The following DOCK8 variants were observed in gnomAD, a reference collection of about 807,000 sequenced individuals.
DOCK8 encodes dedicator of cytokinesis protein 8.
A neutral mutation model predicts 245.6 loss-of-function variants in DOCK8; 141 were observed. The observed-to-expected ratio is 0.57, with a 90% CI of 0.50 to 0.66. The LOEUF (loss-of-function observed/expected upper bound fraction) is 0.66, where lower values mean the gene tolerates loss of function less well. Among genes scored for constraint, DOCK8 ranks in the 30% least tolerant of loss-of-function variants. The pLI, the probability that DOCK8 is intolerant of heterozygous loss-of-function variation, is 0.00. For missense variants in DOCK8, 2,965 were observed against 2,603.4 expected (o/e 1.14, Z -3.02); for synonymous variants, 1,168 against 970.2 (o/e 1.20, Z -3.79).
At chr9:448,717 C>A (rs2057339549) in intron 44 of DOCK8, among the ~76,000 whole-genome samples, 1 of 152,130 alleles carries the variant, frequency 6.6e-6, no homozygotes, top group Non-Finnish European at 1.5e-5. Flanking sequence ...GTAAGGACAC[C>A]AGTCATATTG....
chr9:212,002 C>G (rs896163133), upstream of DOCK8, among the ~76,000 whole-genome samples: 2 of 152,118 alleles, frequency 1.3e-5, no homozygotes, highest in African/African-American at 2.4e-5. Flanking sequence ...GTACAGAAAT[C>G]TGGGAAATAG....
At chr9:407,343 C>T (rs1333880686) in intron 28 of DOCK8, among the ~76,000 whole-genome samples, 1 of 152,196 alleles carries the variant, frequency 6.6e-6, no homozygotes, top group African/African-American at 2.4e-5. Context: ...TCTGCTATAG[C>T]AGGTTTCCCA....
At chr9:431,200 G>A (rs1304652020) in intron 36 of DOCK8, among the ~76,000 whole-genome samples, 2 of 152,098 alleles carry the variant, frequency 1.3e-5, no homozygotes, top group Non-Finnish European at 2.9e-5. Context: ...TCAAAGCTAC[G>A]AAGACTTTGG....
chr9:456,440 G>A (rs1274343875), intron 46 of DOCK8: 2 of 152,248 alleles, frequency 1.3e-5, no homozygotes, highest in Non-Finnish European at 2.9e-5. Flanking sequence ...GACTTGGGCT[G>A]TAGATCGATA....
In DOCK8 at chr9:428,263, T is replaced by A; in HGVS notation, c.4339-99T>A. 3.8e-6 allele frequency: 6 copies of A among 1,592,358 alleles called. No homozygotes were observed. In the South Asian group the frequency reaches 4.5e-5, roughly 12 times the overall value. On this transcript the variant is annotated intron_variant, in intron 34 of 47. Transcript: ENST00000432829. ...TCACCAAACTCTTAAGACTCACCAC[T>A]GGACATGGAACATCAGCATTACTGA... is the stretch of plus-strand genomic sequence containing the variant.
chr9:356,539 A>AG lies in DOCK8; in HGVS notation c.1680-11479_1680-11478insG, dbSNP rs1442952053. Among the ~76,000 whole-genome samples the AG allele has an allele frequency of 2.0e-5, 3 of 151,686 alleles. No individual in the cohort carries two copies. In the East Asian group the frequency reaches 5.8e-4, roughly 29 times the overall value. ...AGCGAGACTCTGTCTCAAAAAAAAA[A>AG]AAAAAAGAAAAAATTTGGTTTGGGT... On this transcript the variant is annotated intron_variant, in intron 14 of 47. Transcript: ENST00000432829.
intron 19 of DOCK8, 34 bp downstream of exon 19, chr9:376,339 G>A (rs763238426): frequency 6.8e-7 from 1 of 1,460,850 alleles, no homozygotes; most frequent in Non-Finnish European, 9.6e-7. Flanking sequence ...TGAAGGTAAA[G>A]GTGCAGCGGA....
intron 1 of DOCK8, among the ~76,000 whole-genome samples, chr9:232,985 T>A (rs2047154300): frequency 6.6e-6 from 1 of 152,226 alleles, no homozygotes; most frequent in African/African-American, 2.4e-5. Flanking sequence ...TTAGTTGTGA[T>A]GTTAGGGTGT....
chr9:391,805 G>A (rs932379819), intron 24 of DOCK8, among the ~76,000 whole-genome samples: 2 of 144,032 alleles, frequency 1.4e-5, no homozygotes, highest in Admixed American at 1.4e-4. Context: ...TCTTTCCCCT[G>A]TCCCATTAAG....
rs1035048502 is a variant in DOCK8 at position 428,233 on chromosome 9, G to C, written c.4339-129G>C. 8 of 1,424,942 alleles carry C rather than the reference G, an allele frequency of 5.6e-6. No homozygotes were observed. In the African/African-American group the frequency reaches 1.1e-4, roughly 20 times the overall value. 88.3% of individuals were successfully genotyped at this position (1,424,942 alleles called of 1,614,324 possible). A position where few individuals can be genotyped will look rare whatever the true frequency, so the allele number is the denominator to read the frequency against. ...CCATGGTTAATGGATGATACCCATG[G>C]TGGCTCACCAAACTCTTAAGACTCA... On this transcript the variant is annotated intron_variant, in intron 34 of 47. Transcript: ENST00000432829.
At position 345,075 on chromosome 9, in the gene DOCK8, G is replaced by A. The variant is rs1481186995; in HGVS notation, c.1679+4754G>A. ...GTCTCAAAAAAAAGGTATTATCTTG[G>A]CAGGGACAGCAGTTCCTATTTCTTA... On this transcript the variant is annotated intron_variant, in intron 14 of 47. Transcript: ENST00000432829. Among the ~76,000 whole-genome samples, 3 of 152,120 alleles carry A rather than the reference G, an allele frequency of 2.0e-5. No individual in the cohort carries two copies. The East Asian group carries it at 5.8e-4, about 29-fold the overall frequency.
chr9:220,397 G>T (rs2046854324), intron 1 of DOCK8, among the ~76,000 whole-genome samples: 1 of 152,086 alleles, frequency 6.6e-6, no homozygotes, highest in Non-Finnish European at 1.5e-5. Flanking sequence ...ATAGACCAGT[G>T]GAAAGAAAAC....
intron 43 of DOCK8, among the ~76,000 whole-genome samples, chr9:444,541 A>G (rs899304755): frequency 1.3e-5 from 2 of 152,094 alleles, no homozygotes; most frequent in African/African-American, 4.8e-5. Flanking sequence ...AGCTCCGCCA[A>G]GTCTCAGTGT....
chr9:457,507 T>TTCTCTATTTAAGTC (rs2057675945), intron 46 of DOCK8, among the ~76,000 whole-genome samples: 1 of 152,216 alleles, frequency 6.6e-6, no homozygotes, highest in African/African-American at 2.4e-5. Flanking sequence ...CTGACTTAAA[T>TTCTCTATTTAAGTC]ACGGAGATTG....
At chr9:235,804 C>T (rs536760364) in intron 1 of DOCK8, among the ~76,000 whole-genome samples, 1 of 152,184 alleles carries the variant, frequency 6.6e-6, no homozygotes. Flanking sequence ...CCGTCTGTCA[C>T]CCTTTCTTTG....
chr9:371,991 A>T (rs957636660), intron 17 of DOCK8, among the ~76,000 whole-genome samples, 194 bp from the exon 18 acceptor site: 1 of 152,232 alleles, frequency 6.6e-6, no homozygotes, highest in African/African-American at 2.4e-5. Flanking sequence ...AAAAGCAATA[A>T]ATCATCAATA....
chr9:256,715 A>G (rs1419061549), intron 1 of DOCK8, among the ~76,000 whole-genome samples: 1 of 152,156 alleles, frequency 6.6e-6, no homozygotes, highest in Non-Finnish European at 1.5e-5. Context: ...AAACACCCTG[A>G]GCTGAAAGGA....
intron 1 of DOCK8, among the ~76,000 whole-genome samples, chr9:258,660 C>T (rs916208522): frequency 2.6e-4 from 35 of 137,040 alleles, no homozygotes; most frequent in African/African-American, 8.0e-4. Context: ...TACAGTGTCA[C>T]GATCTCGGCA....
intron 38 of DOCK8, among the ~76,000 whole-genome samples, chr9:434,423 C>G (rs1463675691): frequency 6.6e-6 from 1 of 152,052 alleles, no homozygotes; most frequent in Admixed American, 6.5e-5. Flanking sequence ...TGTTCTGATG[C>G]AACATCATAC....
Sources: allele counts gnomAD v4.1 joint callset (sites outside exome capture counted in the v4.1 genomes callset), GRCh38; gene constraint gnomAD v4.1.1; transcripts MANE v1.5; gene names NCBI Gene and HGNC (gene_info 2026-07-23, HGNC 2026-07-21).